Variants in LAMB3 observed in about 807,000 individuals in gnomAD.
LAMB3 encodes the protein laminin subunit beta 3.
A neutral mutation model predicts 140.3 loss-of-function variants in LAMB3; 104 were observed. The ratio of observed to expected loss-of-function variants is 0.74; its 90% CI spans 0.63 to 0.87. The LOEUF is 0.87. Among genes scored for constraint, LAMB3 ranks in the 40% least tolerant of loss-of-function variants. LAMB3 has a pLI of 0.00. For synonymous variants in LAMB3, 592 were observed against 602.9 expected (o/e 0.98, Z 0.26); for missense variants, 1,531 against 1,575.2 (o/e 0.97, Z 0.47).
In LAMB3 at chr1:209,625,920, C is replaced by T; in HGVS notation, c.1704G>A (p.Gln568=). The change falls in exon 14 of 23, where the codon CAG becomes CAA. Residue 568 remains glutamine (Q), a synonymous_variant. Transcript: ENST00000356082. The part of the protein sequence containing the change: ...GLTGPRCDQC[Q]RGYCNRYPVC... Reference sequence around the variant, plus strand: ...CCGGGTAGCGATTACAGTAGCCTCGCTGGCACTGGTCACAGCGGGGCCCGG... The same window carrying T: ...CCGGGTAGCGATTACAGTAGCCTCGTTGGCACTGGTCACAGCGGGGCCCGG... 6.2e-7 allele frequency: 1 copy of T among 1,613,868 alleles called. No homozygotes were observed. The highest frequency in any genetic ancestry group is 1.1e-5 in the South Asian group (1 of 91,082).
At chr1:209,619,236 G>A (rs540768787) in intron 18 of LAMB3, among the ~76,000 whole-genome samples, 1 of 152,164 alleles carries the variant, frequency 6.6e-6, no homozygotes, top group Admixed American at 6.5e-5. Flanking sequence ...GTCCCTCCCT[G>A]CCTTATCTTT....
rs780719507 is a variant in LAMB3 at position 209,629,734 on chromosome 1, C to G, written c.1132+3G>C. The G allele has an allele frequency of 6.2e-7, 1 of 1,614,050 alleles. No individual in the cohort carries two copies. The highest frequency in any genetic ancestry group is 1.1e-5 in the South Asian group (1 of 91,088). On this transcript the variant is annotated splice_donor_region_variant and intron_variant, in intron 10 of 22. Transcript: ENST00000356082. The stretch of plus-strand genomic sequence containing the variant: ...ACTCTGGGACTCCGGAGCCTCTACT[C>G]ACAGATGCAGGTCTCCTGAATGGAA...
chr1:209,644,871 GC>G (rs897664965), intron 3 of LAMB3, among the ~76,000 whole-genome samples: 17 of 152,180 alleles, frequency 1.1e-4, no homozygotes, highest in African/African-American at 4.1e-4. Context: ...CCCTCATATG[GC>G]ACCCAGGCAG....
Position 209,618,047 on chromosome 1 carries a change from TCCTG to T in LAMB3, c.2910-3_2910del. 2 of 1,614,090 alleles carry T rather than the reference TCCTG, an allele frequency of 1.2e-6. No individual in the cohort carries two copies. Among genetic ancestry groups the T allele is most frequent in the Non-Finnish European group, 1.7e-6 (2 of 1,180,026 alleles). ...TGGCCCTCCACTGCATGGGCTCGGCTCCTGGGTGAGAGAAGCAGCAGGGAGAGGA... is the reference window on the plus strand; with the variant it reads ...TGGCCCTCCACTGCATGGGCTCGGCTGGTGAGAGAAGCAGCAGGGAGAGGA... On this transcript the variant is annotated splice_acceptor_variant and splice_polypyrimidine_tract_variant and coding_sequence_variant and intron_variant, in exon 20 of 23. Transcript: ENST00000356082. LOFTEE classifies it high-confidence loss of function.
Position 209,625,658 on chromosome 1 carries a change from G to A in LAMB3, c.1966C>T (p.Leu656Phe). ...QEVAQVASAI[L>F]SLRRTLQGLQ... ...GGGAAAGGGAATTACCTGAGGGAGA[G>A]GATGGCACTGGCCACCTGAGCCACC... Residue 656 changes from leucine to phenylalanine, a missense_variant, in exon 14 of 23, where the codon CTC becomes TTC. Physicochemically the swap from Leu to Phe is conservative, Grantham distance 22 (BLOSUM62 0). Transcript: ENST00000356082. 1.2e-6 allele frequency: 2 copies of A among 1,614,176 alleles called. No individual in the cohort carries two copies. The highest frequency in any genetic ancestry group is 2.7e-5 in the African/African-American group (2 of 75,062).
chr1:209,623,445 T>G lies in LAMB3; in HGVS notation c.2358+60A>C, dbSNP rs752499836. On this transcript the variant is annotated intron_variant, in intron 16 of 22. Coordinates refer to ENST00000356082, the MANE Select transcript of LAMB3 (RefSeq NM_000228.3). The surrounding 1 kb of genome is among the most constrained non-coding windows in gnomAD (Gnocchi z 4.2). ...CCTAATAGGAAGCAGGTGGCAGCAG[T>G]TGGTGTGTGACAAGCTGGGGTGTGG... 7 of 1,504,486 alleles carry G rather than the reference T, an allele frequency of 4.7e-6. No individual in the cohort carries two copies. Among genetic ancestry groups the G allele is most frequent in the Non-Finnish European group, 6.5e-6 (7 of 1,080,262 alleles). The allele number at this position is 1,504,486 out of a possible 1,614,324, so 93.2% of individuals were successfully genotyped here. A position where few individuals can be genotyped will look rare whatever the true frequency, so the allele number is the denominator to read the frequency against.
intron 21 of LAMB3, 24 bp from the exon 22 acceptor site, chr1:209,616,648 G>A (rs775115385): frequency 2.9e-5 from 47 of 1,612,858 alleles, no homozygotes; most frequent in Non-Finnish European, 3.8e-5. Context: ...AATAGTCTCA[G>A]TGTCATTGTC....
chr1:209,627,661 CTG>C, intron 11 of LAMB3, 82 bp from the exon 12 acceptor site: 2 of 1,332,578 alleles, frequency 1.5e-6, no homozygotes, highest in Non-Finnish European at 2.1e-6. Context: ...GGGAGGGGCG[CTG>C]CCTGGGAAAA....
Position 209,626,957 on chromosome 1 carries a change from G to T in LAMB3, c.1507C>A (p.Arg503=). 2.5e-6 allele frequency: 4 copies of T among 1,613,320 alleles called. No homozygotes were observed. Among genetic ancestry groups the T allele is most frequent in the Non-Finnish European group, 3.4e-6 (4 of 1,179,678 alleles). ...CNQFTGQCPC[R]EGFGGLMCSA... ...CACATCAGGCCACCAAAGCCTTCCCGACAGGGGCACTGCCCTGTGAACTGC... is the reference window on the plus strand; with the variant it reads ...CACATCAGGCCACCAAAGCCTTCCCTACAGGGGCACTGCCCTGTGAACTGC... The change falls in exon 13 of 23, where the codon CGG becomes AGG. Residue 503 remains arginine, a synonymous_variant. Transcript: ENST00000356082.
At position 209,632,612 on chromosome 1, in the gene LAMB3, C is replaced by A; in HGVS notation, c.793G>T (p.Ala265Ser). 1 of 1,614,076 alleles carries A rather than the reference C, an allele frequency of 6.2e-7. No homozygotes were observed. The highest frequency in any genetic ancestry group is 8.5e-7 in the Non-Finnish European group (1 of 1,179,918). Residue 265 changes from alanine to serine, a missense_variant, in exon 8 of 23, where the codon GCC (alanine) becomes TCC (serine). Physicochemically the swap from Ala to Ser is moderately conservative, Grantham distance 99 (BLOSUM62 1). Transcript: ENST00000356082. ...ACAGCGGTGGAGGGGCCTGCAGAGGCCCCAGGCTTGGGTGCGCAGCGATCA... is the reference window on the plus strand; with the variant it reads ...ACAGCGGTGGAGGGGCCTGCAGAGGACCCAGGCTTGGGTGCGCAGCGATCA... ...HADRCAPKPG[A>S]SAGPSTAVQV... is the part of the protein sequence containing the mutation.
chr1:209,638,066 A>T (rs1666950578), intron 4 of LAMB3, 85 bp from the exon 5 acceptor site: 1 of 1,110,130 alleles, frequency 9.0e-7, no homozygotes, highest in Non-Finnish European at 1.3e-6. Flanking sequence ...GACTAGCTCT[A>T]GGAACTCAGA....
At position 209,632,453 on chromosome 1, in the gene LAMB3, T is replaced by C; in HGVS notation, c.822+130A>G. 4.4e-6 allele frequency: 3 copies of C among 678,090 alleles called. No individual in the cohort carries two copies. The East Asian group carries it at 8.0e-5, about 18-fold the overall frequency. The allele number at this position is 678,090 out of a possible 1,614,324, so 42.0% of individuals were successfully genotyped here. Reference sequence around the variant, plus strand: ...CGAAAACCACTTCGATTTTTTGTTGTTGCTGCTGAAGTATTAAATACCCAA... The same window carrying C: ...CGAAAACCACTTCGATTTTTTGTTGCTGCTGCTGAAGTATTAAATACCCAA... On this transcript the variant is annotated intron_variant, in intron 8 of 22. Coordinates refer to ENST00000356082, the MANE Select transcript of LAMB3 (RefSeq NM_000228.3).
Position 209,645,534 on chromosome 1 carries a change from G to A in LAMB3, c.183+4430C>T, listed in dbSNP as rs1241149138. Among the ~76,000 whole-genome samples the A allele has an allele frequency of 3.3e-5, 5 of 152,176 alleles. No homozygotes were observed. In the East Asian group the frequency reaches 9.7e-4, roughly 29 times the overall value. ...AGTTCGAGACCAGCCTGGCCAACAT[G>A]GTGAAACCCTGTCTCTACTAAAAAT... On this transcript the variant is annotated intron_variant, in intron 3 of 22. Transcript: ENST00000356082.
At chr1:209,634,776 G>A in intron 5 of LAMB3, 138 bp from the exon 6 acceptor site, 1 of 682,684 alleles carries the variant, frequency 1.5e-6, no homozygotes, top group East Asian at 2.7e-5. Flanking sequence ...GAGCATCCGG[G>A]TCCAAACCTC....
At chr1:209,616,373 G>A (rs1049877021) in intron 22 of LAMB3, 98 bp downstream of exon 22, 79 of 1,371,560 alleles carry the variant, frequency 5.8e-5, no homozygotes, top group Admixed American at 2.5e-4. Flanking sequence ...CCCATAGCAC[G>A]GCTAGCTCCA....
chr1:209,638,498 G>A (rs767839990), intron 4 of LAMB3, 36 bp downstream of exon 4: 55 of 1,342,812 alleles, frequency 4.1e-5, no homozygotes, highest in Admixed American at 2.5e-4. Flanking sequence ...TGTGGAGGCT[G>A]TACAGTTTGA....
intron 5 of LAMB3, among the ~76,000 whole-genome samples, chr1:209,635,332 C>G (rs1484623436): frequency 6.6e-6 from 1 of 152,194 alleles, no homozygotes; most frequent in African/African-American, 2.4e-5. Context: ...CCCTAGTAAG[C>G]TTCATCTGAT....
At chr1:209,626,518 C>T (rs1380966505) in intron 13 of LAMB3, among the ~76,000 whole-genome samples, 1 of 152,242 alleles carries the variant, frequency 6.6e-6, no homozygotes, top group Non-Finnish European at 1.5e-5. Context: ...ACCCTTTCCC[C>T]TTCAGGACTC....
chr1:209,622,393 G>C, intron 18 of LAMB3, 143 bp downstream of exon 18: 1 of 966,192 alleles, frequency 1.0e-6, no homozygotes, highest in Non-Finnish European at 1.6e-6. Context: ...AGAAGGTCAT[G>C]GCCATGGTGC....
Sources: allele counts gnomAD v4.1 joint callset (sites outside exome capture counted in the v4.1 genomes callset), GRCh38; gene constraint gnomAD v4.1.1; non-coding constraint Gnocchi (gnomAD v3.1); transcripts MANE v1.5; gene names NCBI Gene and HGNC (gene_info 2026-07-23, HGNC 2026-07-21).